Variants in PAX7 observed in about 807,000 individuals in gnomAD.
The protein encoded by PAX7 is paired box 7.
A neutral mutation model predicts 50.7 loss-of-function variants in PAX7; 18 were observed. That is an observed-to-expected ratio of 0.36 (90% CI 0.25 to 0.53). The LOEUF (loss-of-function observed/expected upper bound fraction) is 0.53. Ranked by LOEUF, PAX7 falls within the 20% of genes least tolerant of loss-of-function variation. PAX7 has a pLI of 0.93. For missense variants in PAX7, 644 were observed against 702.9 expected, an observed-to-expected ratio of 0.92 and a Z score of 0.95; for synonymous variants, 310 against 290.4, an observed-to-expected ratio of 1.07 and a Z score of -0.69.
chr1:18,737,283 C>T (rs1930786072), intron 8 of PAX7, among the ~76,000 whole-genome samples: 1 of 152,234 alleles, frequency 6.6e-6, no homozygotes, highest in Non-Finnish European at 1.5e-5. Flanking sequence ...TGTCCTCTCC[C>T]CCAGCCCAGC....
chr1:18,702,410 G>T (rs1190186428), intron 6 of PAX7, among the ~76,000 whole-genome samples: 1 of 152,142 alleles, frequency 6.6e-6, no homozygotes, highest in Non-Finnish European at 1.5e-5. Flanking sequence ...GCAGGCTGGA[G>T]TTCTGGAGGC....
chr1:18,742,050 G>A (rs1317319615), intron 8 of PAX7, among the ~76,000 whole-genome samples: 1 of 151,780 alleles, frequency 6.6e-6, no homozygotes, highest in Non-Finnish European at 1.5e-5. Context: ...TGGAAAATGA[G>A]CACAAAATGC....
chr1:18,654,075 C>CCT (rs1557511483), intron 4 of PAX7, among the ~76,000 whole-genome samples: 1 of 152,092 alleles, frequency 6.6e-6, no homozygotes. Flanking sequence ...TGGCTGGCTG[C>CCT]AGCCCTGAAC....
chr1:18,710,632 C>T (rs557718298), intron 7 of PAX7, among the ~76,000 whole-genome samples: 3 of 152,058 alleles, frequency 2.0e-5, no homozygotes, highest in Admixed American at 1.3e-4. Flanking sequence ...TTGCCTAGCC[C>T]AGGCAACAAG....
intron 8 of PAX7, among the ~76,000 whole-genome samples, chr1:18,744,586 A>G (rs978939863): frequency 6.6e-6 from 1 of 150,858 alleles, no homozygotes; most frequent in Non-Finnish European, 1.5e-5. Context: ...ATATGGCTGG[A>G]TGGATGAGAA....
In PAX7 at chr1:18,636,719, G is replaced by A. The variant is rs1407143958; in HGVS notation, c.586+348G>A. 6.6e-6 allele frequency among the ~76,000 whole-genome samples: 1 copy of A among 151,988 alleles called. No individual in the cohort carries two copies. Among genetic ancestry groups the A allele is most frequent in the Non-Finnish European group, 1.5e-5 (1 of 67,990 alleles). On this transcript the variant is annotated intron_variant, in intron 4 of 8. Coordinates refer to ENST00000420770, the MANE Select transcript of PAX7 (RefSeq NM_001135254.2). The surrounding 1 kb of genome is among the most constrained non-coding windows in gnomAD (Gnocchi z 5.1). ...GGCTGGCGTTTTGGCTGCTACTCTC[G>A]GCGTCGATCAATTATTTATAGGAAA... is the stretch of plus-strand genomic sequence containing the variant.
In PAX7 at chr1:18,745,235, G is replaced by A. The variant is rs1931383011; in HGVS notation, c.*306G>A. ...TGCCATCTCAGGCATGGAGATTGGG[G>A]CCCACCTTGAACACCTTGGGTGTCC... On this transcript the variant is annotated 3_prime_UTR_variant, in exon 9 of 9. Transcript: ENST00000420770. 1.9e-5 allele frequency: 8 copies of A among 425,588 alleles called. No individual in the cohort carries two copies. The highest frequency in any genetic ancestry group is 4.0e-5 in the East Asian group (1 of 25,094). 26.4% of individuals were successfully genotyped at this position (425,588 alleles called of 1,614,324 possible).
At chr1:18,683,744 G>A (rs2088932647) in intron 4 of PAX7, among the ~76,000 whole-genome samples, 2 of 152,196 alleles carry the variant, frequency 1.3e-5, no homozygotes, top group African/African-American at 4.8e-5. Context: ...GGAGGCTAAG[G>A]CATGAGAATC....
chr1:18,655,509 C>T (rs1445282740), intron 4 of PAX7, among the ~76,000 whole-genome samples: 2 of 152,196 alleles, frequency 1.3e-5, no homozygotes, highest in African/African-American at 4.8e-5. Context: ...GTTGCTCAGA[C>T]ACCCTCCACA....
At chr1:18,655,383 T>C (rs916596553) in intron 4 of PAX7, among the ~76,000 whole-genome samples, 11 of 152,146 alleles carry the variant, frequency 7.2e-5, no homozygotes, top group East Asian at 3.9e-4. Context: ...AAATTTCTCA[T>C]TGGGGACTCA....
chr1:18,655,594 G>A lies in PAX7; in HGVS notation c.586+19223G>A, dbSNP rs1016078854. On this transcript the variant is annotated intron_variant, in intron 4 of 8. Transcript: ENST00000420770. ...CCTGTGGCTCAGGGCTGCAGTCGGCGGGAGGGTTTCCAGGCCTGTCAGCTG... is the reference window on the plus strand; with the variant it reads ...CCTGTGGCTCAGGGCTGCAGTCGGCAGGAGGGTTTCCAGGCCTGTCAGCTG... 3.9e-5 allele frequency among the ~76,000 whole-genome samples: 6 copies of A among 152,334 alleles called. No homozygotes were observed. In the South Asian group the frequency reaches 8.3e-4, roughly 21 times the overall value.
intron 4 of PAX7, among the ~76,000 whole-genome samples, chr1:18,669,061 C>G (rs1287377961): frequency 3.3e-5 from 5 of 152,190 alleles, no homozygotes. Flanking sequence ...GTGCTAAGCA[C>G]CTGTGTTGGT....
At chr1:18,637,098 C>G (rs1267972313) in intron 4 of PAX7, among the ~76,000 whole-genome samples, 1 of 152,120 alleles carries the variant, frequency 6.6e-6, no homozygotes, top group African/African-American at 2.4e-5. Flanking sequence ...ACGGCTTCCG[C>G]GGGCAGGCTG....
intron 4 of PAX7, among the ~76,000 whole-genome samples, chr1:18,642,940 G>A (rs1389945078): frequency 6.6e-6 from 1 of 150,552 alleles, no homozygotes; most frequent in African/African-American, 2.4e-5. Flanking sequence ...GGAGGAGGAA[G>A]AGACGGGGTC....
At chr1:18,724,087 G>A (rs1186698065) in intron 7 of PAX7, among the ~76,000 whole-genome samples, 1 of 152,224 alleles carries the variant, frequency 6.6e-6, no homozygotes. Flanking sequence ...CGTGCTCGGT[G>A]GGCCGGCCGG....
intron 7 of PAX7, among the ~76,000 whole-genome samples, chr1:18,721,488 C>T (rs2089493526): frequency 6.6e-6 from 1 of 152,248 alleles, no homozygotes; most frequent in African/African-American, 2.4e-5. Flanking sequence ...CTCAAAGACA[C>T]TCTCAGATAA....
rs2089572085 is a variant in PAX7 at position 18,726,387 on chromosome 1, C to T, written c.1156-9245C>T. Among the ~76,000 whole-genome samples, 1 of 152,316 alleles carries T rather than the reference C, an allele frequency of 6.6e-6. No homozygotes were observed. Among genetic ancestry groups the T allele is most frequent in the Non-Finnish European group, 1.5e-5 (1 of 68,042 alleles). The stretch of plus-strand genomic sequence containing the variant: ...CCAACTCTGTGCTAGATCCTGTGCT[C>T]AGGATAAAAAGATAAATTCATTTCT... On this transcript the variant is annotated intron_variant, in intron 7 of 8. Transcript: ENST00000420770. This position sits in a 1 kb window ranked among gnomAD's most constrained non-coding sequence, Gnocchi z 4.8.
chr1:18,737,329 AC>A (rs1026464300), intron 8 of PAX7, among the ~76,000 whole-genome samples: 2 of 126,260 alleles, frequency 1.6e-5, no homozygotes, highest in South Asian at 2.7e-4. Flanking sequence ...CTTCCTGCCC[AC>A]CCCCCCAAAC....
In PAX7 at chr1:18,691,842, G is replaced by C. The variant is rs779472551; in HGVS notation, c.675G>C (p.Thr225=). Residue 225 remains threonine (T), a synonymous_variant, in exon 5 of 9, where the codon ACG becomes ACC. Transcript: ENST00000420770. Reference sequence around the variant, plus strand: ...AGCGACGCAGTCGGACCACATTCACGGCCGAGCAGCTGGAGGAGCTGGAGA... The same window carrying C: ...AGCGACGCAGTCGGACCACATTCACCGCCGAGCAGCTGGAGGAGCTGGAGA... The part of the protein sequence containing the change: ...RKQRRSRTTF[T]AEQLEELEKA... 1.9e-6 allele frequency: 3 copies of C among 1,613,688 alleles called. No individual in the cohort carries two copies. The highest frequency in any genetic ancestry group is 2.5e-6 in the Non-Finnish European group (3 of 1,179,892).
Sources: gnomAD v4.1 joint callset for allele counts (sites outside exome capture counted in the v4.1 genomes callset) on GRCh38, gnomAD v4.1.1 for gene constraint, Gnocchi (gnomAD v3.1) non-coding constraint, MANE v1.5 for transcripts, NCBI Gene and HGNC (gene_info 2026-07-23, HGNC 2026-07-21) for gene names.